The following PRKAR2A variants were observed in gnomAD, a reference collection of about 807,000 sequenced individuals.
PRKAR2A encodes cAMP-dependent protein kinase type II-alpha regulatory subunit.
Under a neutral mutation model 51.9 loss-of-function variants are expected in PRKAR2A, and 29 were observed. That is an observed-to-expected ratio of 0.56 (90% CI 0.42 to 0.76). The LOEUF (loss-of-function observed/expected upper bound fraction) is 0.76, where lower values mean the gene tolerates loss of function less well. Among genes scored for constraint, PRKAR2A ranks in the 30% least tolerant of loss-of-function variants. The pLI is 0.00. For synonymous variants in PRKAR2A, 178 were observed against 186.2 expected, an observed-to-expected ratio of 0.96 and a Z score of 0.36; for missense variants, 445 against 512.1, an observed-to-expected ratio of 0.87 and a Z score of 1.26.
chr3:48,770,142 G>GT (rs1419113527), intron 6 of PRKAR2A, among the ~76,000 whole-genome samples: 2 of 152,100 alleles, frequency 1.3e-5, no homozygotes, highest in Non-Finnish European at 2.9e-5. Flanking sequence ...TGCAAGGCCA[G>GT]TTCCCATGGC....
intron 2 of PRKAR2A, among the ~76,000 whole-genome samples, chr3:48,797,139 C>T (rs894696510): frequency 6.6e-6 from 1 of 151,914 alleles, no homozygotes; most frequent in South Asian, 2.1e-4. Context: ...CTGATACATA[C>T]CACTCCCAAT....
chr3:48,831,576 T>C (rs891519871), intron 1 of PRKAR2A, among the ~76,000 whole-genome samples: 5 of 152,004 alleles, frequency 3.3e-5, no homozygotes, highest in African/African-American at 1.2e-4. Context: ...TCGCCCAGGC[T>C]GGTCCTAGGC....
Position 48,773,124 on chromosome 3 carries a change from A to T in PRKAR2A, c.543-16T>A. 1 of 1,581,072 alleles carries T rather than the reference A, an allele frequency of 6.3e-7. No homozygotes were observed. Among genetic ancestry groups the T allele is most frequent in the Non-Finnish European group, 8.7e-7 (1 of 1,154,156 alleles). On this transcript the variant is annotated splice_polypyrimidine_tract_variant and intron_variant, in intron 5 of 10. Transcript: ENST00000265563. Reference sequence around the variant, plus strand: ...ATAAGTTCCCCTAGAAGAATGACAAAGAATAATTTAATTAGTTACTTCTGA... The same window carrying T: ...ATAAGTTCCCCTAGAAGAATGACAATGAATAATTTAATTAGTTACTTCTGA...
intron 4 of PRKAR2A, among the ~76,000 whole-genome samples, chr3:48,786,872 T>C (rs2082301873): frequency 6.6e-6 from 1 of 152,126 alleles, no homozygotes; most frequent in African/African-American, 2.4e-5. Flanking sequence ...CATGGGCCCC[T>C]TGATATGATG....
intron 1 of PRKAR2A, among the ~76,000 whole-genome samples, chr3:48,814,156 G>A (rs1384627824): frequency 6.6e-6 from 1 of 151,714 alleles, no homozygotes; most frequent in African/African-American, 2.4e-5. Context: ...GCTGAGGCAG[G>A]AAAATCACTT....
intron 5 of PRKAR2A, among the ~76,000 whole-genome samples, chr3:48,778,051 T>C (rs1177274702): frequency 1.3e-5 from 2 of 152,216 alleles, no homozygotes; most frequent in Admixed American, 6.5e-5. Flanking sequence ...GTTTTTATCA[T>C]TGTTACCACC....
chr3:48,772,078 T>C (rs945007221), intron 6 of PRKAR2A, among the ~76,000 whole-genome samples: 1 of 152,184 alleles, frequency 6.6e-6, no homozygotes, highest in African/African-American at 2.4e-5. Context: ...AGCCCCAATA[T>C]CCCTAGATAG....
chr3:48,821,699 C>T (rs1410756212), intron 1 of PRKAR2A, among the ~76,000 whole-genome samples: 1 of 150,434 alleles, frequency 6.6e-6, no homozygotes, highest in African/African-American at 2.5e-5. Context: ...GGGCGGATCG[C>T]GAGGTCAGGA....
chr3:48,823,795 A>AG (rs1302000147), intron 1 of PRKAR2A, among the ~76,000 whole-genome samples: 1 of 151,604 alleles, frequency 6.6e-6, no homozygotes, highest in East Asian at 1.9e-4. Flanking sequence ...CCAAAAAAAA[A>AG]AAAAAAAGAA....
At chr3:48,795,546 CTTCT>C (rs2082477768) in intron 2 of PRKAR2A, among the ~76,000 whole-genome samples, 1 of 152,118 alleles carries the variant, frequency 6.6e-6, no homozygotes. Context: ...TTCCAAAACT[CTTCT>C]TTTTTTGAGA....
At chr3:48,818,613 G>A (rs1017435802) in intron 1 of PRKAR2A, among the ~76,000 whole-genome samples, 4 of 152,138 alleles carry the variant, frequency 2.6e-5, no homozygotes, top group Non-Finnish European at 5.9e-5. Flanking sequence ...AATTAGCCAG[G>A]CACAGTGGTG....
chr3:48,772,909 G>A lies in PRKAR2A; in HGVS notation c.696+46C>T, dbSNP rs1321447112. On this transcript the variant is annotated intron_variant, in intron 6 of 10. Coordinates refer to ENST00000265563, the MANE Select transcript of PRKAR2A (RefSeq NM_004157.4). ...AGCCCAAGGACAGAGACACAGAAAGGGAATTAATACTGTGCCTTGCAAGGG... is the reference window on the plus strand; with the variant it reads ...AGCCCAAGGACAGAGACACAGAAAGAGAATTAATACTGTGCCTTGCAAGGG... 5.2e-6 allele frequency: 8 copies of A among 1,553,038 alleles called. No homozygotes were observed. In the African/African-American group the frequency reaches 5.5e-5, roughly 11 times the overall value.
In PRKAR2A at chr3:48,793,990, G is replaced by A; in HGVS notation, c.351+7C>T. On this transcript the variant is annotated splice_region_variant and intron_variant, in intron 3 of 10. Transcript: ENST00000265563. ...ATTCTACCTAACATCTTTGCTTTGG[G>A]TCTTACCCTTGGATCTGTATCTTCC... 1 of 1,590,486 alleles carries A rather than the reference G, an allele frequency of 6.3e-7. No homozygotes were observed. Among genetic ancestry groups the A allele is most frequent in the Non-Finnish European group, 8.6e-7 (1 of 1,158,904 alleles).
chr3:48,832,119 C>T (rs1166662076), intron 1 of PRKAR2A, among the ~76,000 whole-genome samples: 2 of 151,836 alleles, frequency 1.3e-5, no homozygotes, highest in African/African-American at 2.4e-5. Flanking sequence ...CATGGTGAAA[C>T]TCCATCTCTA....
rs1290074484 is a variant in PRKAR2A at position 48,847,836 on chromosome 3, G to A, written c.-240C>T. 5.4e-6 allele frequency: 2 copies of A among 372,968 alleles called. No individual in the cohort carries two copies. Among genetic ancestry groups the A allele is most frequent in the Non-Finnish European group, 9.3e-6 (2 of 214,136 alleles). The allele number at this position is 372,968 out of a possible 1,614,324, so 23.1% of individuals were successfully genotyped here. On this transcript the variant is annotated 5_prime_UTR_variant, in exon 1 of 11. Transcript: ENST00000265563. This position sits in a 1 kb window ranked among gnomAD's most constrained non-coding sequence, Gnocchi z 4.4. Reference sequence around the variant, plus strand: ...CCGCCGCCGCCGCGGGGACCGACGGGCAGGCGAGCTGGACGGGCGGGGCAG... The same window carrying A: ...CCGCCGCCGCCGCGGGGACCGACGGACAGGCGAGCTGGACGGGCGGGGCAG...
At chr3:48,752,772 C>T (rs1377058437) in intron 9 of PRKAR2A, among the ~76,000 whole-genome samples, 2 of 151,968 alleles carry the variant, frequency 1.3e-5, no homozygotes, top group East Asian at 3.9e-4. Flanking sequence ...GATCACAGCT[C>T]ATGCAGCCTT....
intron 1 of PRKAR2A, among the ~76,000 whole-genome samples, chr3:48,842,523 C>T (rs1403244584): frequency 6.6e-6 from 1 of 152,148 alleles, no homozygotes; most frequent in Non-Finnish European, 1.5e-5. Flanking sequence ...CAGTTTTTGC[C>T]CATTCAGTAT....
At chr3:48,824,561 G>GAAAGAA (rs2083026879) in intron 1 of PRKAR2A, among the ~76,000 whole-genome samples, 1 of 124,650 alleles carries the variant, frequency 8.0e-6, no homozygotes, top group African/African-American at 3.9e-5. Context: ...AAGAAAGAAA[G>GAAAGAA]AAAGAAAGAA....
chr3:48,761,902 C>T (rs990123621), intron 8 of PRKAR2A, among the ~76,000 whole-genome samples: 1 of 152,128 alleles, frequency 6.6e-6, no homozygotes, highest in Admixed American at 6.6e-5. Flanking sequence ...GGATTACAGG[C>T]GTGAGCCACC....
Sources: gnomAD v4.1 joint callset for allele counts (sites outside exome capture counted in the v4.1 genomes callset) on GRCh38, gnomAD v4.1.1 for gene constraint, Gnocchi (gnomAD v3.1) non-coding constraint, MANE v1.5 for transcripts, NCBI Gene and HGNC (gene_info 2026-07-23, HGNC 2026-07-21) for gene names.